CCNYL1: variants seen among roughly 807,000 people sequenced by gnomAD.
The protein encoded by CCNYL1 is cyclin Y like 1.
In CCNYL1, 16 loss-of-function variants were observed where a neutral mutation model predicts 44.2. The observed-to-expected ratio is 0.36, with a 90% CI of 0.25 to 0.55. CCNYL1 has a LOEUF of 0.55. CCNYL1 is among the 20% of genes least tolerant of loss of function. The probability of loss-of-function intolerance (pLI) is 0.85; values close to 1 mark genes in which losing one functional copy is unlikely to be tolerated. For synonymous variants in CCNYL1, 159 were observed against 163.2 expected, an observed-to-expected ratio of 0.97 and a Z score of 0.20; for missense variants, 348 against 451.8, an observed-to-expected ratio of 0.77 and a Z score of 2.08.
chr2:207,729,915 C>T (rs988957908), intron 3 of CCNYL1, among the ~76,000 whole-genome samples: 1 of 151,718 alleles, frequency 6.6e-6, no homozygotes, highest in Non-Finnish European at 1.5e-5. Context: ...AGGGTTTTGC[C>T]GTATTAGCCA....
rs1200800246 is a variant in CCNYL1 at position 207,711,648 on chromosome 2, G to A, written c.-249G>A. The stretch of plus-strand genomic sequence containing the variant: ...GGCTGGTCACCGCCCTCGCAGACGA[G>A]TCAGCTTAAGGGAGGCGGCGGCAGC... On this transcript the variant is annotated 5_prime_UTR_variant, in exon 1 of 10. Transcript: ENST00000295414. 3 of 154,040 alleles carry A rather than the reference G, an allele frequency of 1.9e-5. No individual in the cohort carries two copies. Among genetic ancestry groups the A allele is most frequent in the Non-Finnish European group, 4.3e-5 (3 of 69,412 alleles). 9.5% of individuals were successfully genotyped at this position (154,040 alleles called of 1,614,324 possible).
At chr2:207,722,327 C>T (rs2091646631) in intron 1 of CCNYL1, among the ~76,000 whole-genome samples, 2 of 152,026 alleles carry the variant, frequency 1.3e-5, no homozygotes, top group African/African-American at 4.8e-5. Context: ...CCAGCCTCAG[C>T]CTCCCAAAGT....
At chr2:207,728,944 G>A (rs575117371) in intron 3 of CCNYL1, among the ~76,000 whole-genome samples, 177 of 152,154 alleles carry the variant, frequency 1.2e-3, no homozygotes, top group African/African-American at 3.9e-3. Flanking sequence ...CTACAGGGGC[G>A]TGCCACCAAG....
At chr2:207,734,329 T>C (rs1319878029) in intron 4 of CCNYL1, among the ~76,000 whole-genome samples, 1 of 152,360 alleles carries the variant, frequency 6.6e-6, no homozygotes, top group Non-Finnish European at 1.5e-5. Context: ...GTGTCGAACA[T>C]AATGTGAGAA....
rs138605940 is a variant in CCNYL1, at chr2:207,733,172, G to A, written c.331-775G>A. ...AAGGAGGAAGAACAAGGTATTCCAG[G>A]CAGAGCAGCATGAGTGAGTCAGGCA... On this transcript the variant is annotated intron_variant, in intron 3 of 9. Transcript: ENST00000295414. 3.0e-3 allele frequency among the ~76,000 whole-genome samples: 451 copies of A among 152,322 alleles called. 3 individuals carry two copies. The highest frequency in any genetic ancestry group is 0.01 in the African/African-American group (422 of 41,576).
chr2:207,722,404 C>A (rs1199156486), intron 1 of CCNYL1, among the ~76,000 whole-genome samples: 1 of 151,794 alleles, frequency 6.6e-6, no homozygotes, highest in African/African-American at 2.4e-5. Flanking sequence ...TACACAGTAG[C>A]ACATCTTGGT....
At chr2:207,736,061 T>G (rs1307930850) in intron 4 of CCNYL1, among the ~76,000 whole-genome samples, 1 of 152,196 alleles carries the variant, frequency 6.6e-6, no homozygotes, top group East Asian at 1.9e-4. Flanking sequence ...CTGCTTCTAT[T>G]TGGTGGGACC....
chr2:207,723,539 G>C (rs2091657040), intron 1 of CCNYL1, among the ~76,000 whole-genome samples: 1 of 151,972 alleles, frequency 6.6e-6, no homozygotes, highest in Admixed American at 6.6e-5. Flanking sequence ...TCTGGATCTT[G>C]GCCCAGTTTC....
At chr2:207,719,340 G>A (rs1292400172) in intron 1 of CCNYL1, among the ~76,000 whole-genome samples, 1 of 118,564 alleles carries the variant, frequency 8.4e-6, no homozygotes. Flanking sequence ...TAGTTCTGTT[G>A]CCCAGGCTGG....
intron 8 of CCNYL1, among the ~76,000 whole-genome samples, chr2:207,748,475 C>T (rs1325449363): frequency 6.6e-6 from 1 of 152,162 alleles, no homozygotes; most frequent in African/African-American, 2.4e-5. Flanking sequence ...AGGGAAGGGC[C>T]TTGGAGCTTG....
At chr2:207,748,013 A>G (rs1393871385) in intron 8 of CCNYL1, among the ~76,000 whole-genome samples, 1 of 152,148 alleles carries the variant, frequency 6.6e-6, no homozygotes, top group Non-Finnish European at 1.5e-5. Context: ...TTGTTTGGCC[A>G]CTATTAGGTC....
intron 6 of CCNYL1, among the ~76,000 whole-genome samples, chr2:207,741,013 T>C (rs2091805089): frequency 1.3e-5 from 2 of 152,040 alleles, no homozygotes. Flanking sequence ...CTCAGCACTT[T>C]GGGAGGCCGA....
At chr2:207,737,982 T>A (rs1008720541) in intron 5 of CCNYL1, among the ~76,000 whole-genome samples, 2 of 152,224 alleles carry the variant, frequency 1.3e-5, no homozygotes, top group Non-Finnish European at 2.9e-5. Flanking sequence ...AGAAAACAGC[T>A]GGATTCTCAT....
chr2:207,733,893 CT>C (rs999627849), intron 3 of CCNYL1, 53 bp from the exon 4 acceptor site: 1 of 1,171,496 alleles, frequency 8.5e-7, no homozygotes, highest in African/African-American at 1.5e-5. Context: ...AAAAACCACA[CT>C]TTTATAGGTT....
chr2:207,733,768 CTG>C (rs1481745661), intron 3 of CCNYL1, among the ~76,000 whole-genome samples, 177 bp from the exon 4 acceptor site: 1 of 152,234 alleles, frequency 6.6e-6, no homozygotes, highest in African/African-American at 2.4e-5. Context: ...CAAACACTGT[CTG>C]TGGGAGAGCC....
chr2:207,751,866 A>AG (rs1223016064), intron 9 of CCNYL1, among the ~76,000 whole-genome samples: 1 of 150,758 alleles, frequency 6.6e-6, no homozygotes, highest in East Asian at 2.0e-4. Context: ...AAAAAAAAAA[A>AG]AAAAAGTACA....
rs1398469015 is a variant in CCNYL1, at chr2:207,712,100, C to T, written c.204C>T (p.Asp68=). The T allele has an allele frequency of 1.3e-6, 2 of 1,599,886 alleles. No individual in the cohort carries two copies. Among genetic ancestry groups the T allele is most frequent in the Non-Finnish European group, 1.7e-6 (2 of 1,174,302 alleles). ...GCCACCACCTGCAGCACATCAGCGA[C>T]CGCGAGATGCCCGAAGGTAAGGAGG... The part of the protein sequence containing the change: ...GEGHHLQHIS[D]REMPEDLALE... Residue 68 remains aspartate, a synonymous_variant, in exon 1 of 10, where the codon GAC becomes GAT. Transcript: ENST00000295414.
chr2:207,740,899 G>C (rs545683260), intron 6 of CCNYL1, among the ~76,000 whole-genome samples, 193 bp downstream of exon 6: 1 of 152,154 alleles, frequency 6.6e-6, no homozygotes, highest in Non-Finnish European at 1.5e-5. Flanking sequence ...ATAGCCGCTC[G>C]TGGCTAATGA....
chr2:207,737,544 G>A, intron 5 of CCNYL1, 98 bp downstream of exon 5: 1 of 974,188 alleles, frequency 1.0e-6, no homozygotes, highest in Non-Finnish European at 1.6e-6. Context: ...ATAAGCTATA[G>A]ATTGCTATTA....
Sources: gnomAD v4.1 joint callset for allele counts (sites outside exome capture counted in the v4.1 genomes callset) on GRCh38, gnomAD v4.1.1 for gene constraint, MANE v1.5 for transcripts, NCBI Gene and HGNC (gene_info 2026-07-23, HGNC 2026-07-21) for gene names.